Variants in USP35 observed in about 807,000 individuals in gnomAD.
The protein encoded by USP35 is ubiquitin specific peptidase 35.
A neutral mutation model predicts 83.8 loss-of-function variants in USP35; 69 were observed. The observed-to-expected ratio is 0.82, with a 90% CI of 0.68 to 1.01. The LOEUF (loss-of-function observed/expected upper bound fraction) is 1.01. USP35 is among the 50% of genes least tolerant of loss of function. The probability of loss-of-function intolerance (pLI) is 0.00; values close to 1 mark genes in which losing one functional copy is unlikely to be tolerated. For missense variants in USP35, 1,503 were observed against 1,362.5 expected (o/e 1.10, Z -1.62); for synonymous variants, 714 against 589.5 (o/e 1.21, Z -3.06).
Position 78,197,934 on chromosome 11 carries a change from A to G in USP35, c.674-2A>G, listed in dbSNP as rs760902361. On this transcript the variant is annotated splice_acceptor_variant, in intron 2 of 10. Transcript: ENST00000529308. LOFTEE classifies it high-confidence loss of function. ...TAAGCTCAGCCCTGTCCCCTGTTCC[A>G]GAGGAGGAGCCACCATCTAGCGCCC... The G allele has an allele frequency of 1.2e-6, 2 of 1,613,936 alleles. No individual in the cohort carries two copies. The highest frequency in any genetic ancestry group is 1.7e-6 in the Non-Finnish European group (2 of 1,179,902).
chr11:78,232,303 C>A, the USP35 span, among the ~76,000 whole-genome samples: 1 of 152,186 alleles, frequency 6.6e-6, no homozygotes, highest in African/African-American at 2.4e-5. Flanking sequence ...CTCCTAGTAA[C>A]CCTCACCAGA....
intron 6 of USP35, among the ~76,000 whole-genome samples, chr11:78,204,092 G>A (rs926470797): frequency 5.9e-5 from 9 of 151,314 alleles, no homozygotes; most frequent in African/African-American, 2.2e-4. Flanking sequence ...GGGTTTCACC[G>A]TTTTAGCCGG....
At position 78,198,025 on chromosome 11, in the gene USP35, G is replaced by A. The variant is rs935979432; in HGVS notation, c.763G>A (p.Asp255Asn). ...TGGTGTTGTCCGGAACCTCAGCAAT[G>A]ATGACAGTGTGACAGACTCGCAGAT... ...MDGVVRNLSN[D>N]DSVTDSQMLT... Residue 255 changes from aspartate to asparagine, a missense_variant, in exon 3 of 11, where the codon GAT (aspartate) becomes AAT (asparagine). Physicochemically the swap from Asp to Asn is conservative, Grantham distance 23 (BLOSUM62 1). Transcript: ENST00000529308. The A allele has an allele frequency of 5.0e-6, 8 of 1,614,108 alleles. No individual in the cohort carries two copies. Among genetic ancestry groups the A allele is most frequent in the Non-Finnish European group, 6.8e-6 (8 of 1,180,042 alleles).
In USP35 at chr11:78,213,767, A is replaced by G. The variant is rs201438771; in HGVS notation, c.3011A>G (p.Asn1004Ser). 3.6e-5 allele frequency: 56 copies of G among 1,548,868 alleles called. No homozygotes were observed. The highest frequency in any genetic ancestry group is 3.4e-4 in the African/African-American group (24 of 70,256). ...DEDEGSPGGC[N>S]PAGGNGGDFH... ...GATGAAGGCTCTCCAGGGGGCTGCA[A>G]TCCTGCAGGTGGCAATGGTGGTGAC... The change falls in exon 11 of 11, where the codon AAT (asparagine) becomes AGT (serine). Residue 1004 changes from asparagine to serine, a missense_variant. Transcript: ENST00000529308.
chr11:78,210,066 A>G lies in USP35; in HGVS notation c.2211A>G (p.Gly737=). Residue 737 remains glycine (G), a synonymous_variant, in exon 10 of 11, where the codon GGA becomes GGG. Coordinates refer to ENST00000529308, the MANE Select transcript of USP35 (RefSeq NM_020798.4). ...AGGAAAAGGAAGAAGACAGCCTGGG[A>G]GCGGGGACCCACCCGGATGCTGCCA... ...AEQEKEEDSL[G]AGTHPDAAIP... 1.2e-6 allele frequency: 2 copies of G among 1,613,882 alleles called. No homozygotes were observed. Among genetic ancestry groups the G allele is most frequent in the African/African-American group, 2.7e-5 (2 of 75,034 alleles).
intron 5 of USP35, 56 bp from the exon 6 acceptor site, chr11:78,200,594 C>T (rs1355191120): frequency 1.3e-6 from 2 of 1,553,588 alleles, no homozygotes; most frequent in African/African-American, 2.7e-5. Flanking sequence ...GGACCACAGC[C>T]CCGTGTCTCA....
the USP35 span, among the ~76,000 whole-genome samples, chr11:78,223,157 T>G: frequency 6.6e-6 from 1 of 152,194 alleles, no homozygotes; most frequent in Non-Finnish European, 1.5e-5. Flanking sequence ...CTGGTCTACA[T>G]GCAGGGGGCA....
chr11:78,235,079 T>C, the USP35 span, among the ~76,000 whole-genome samples: 1 of 152,172 alleles, frequency 6.6e-6, no homozygotes, highest in South Asian at 2.1e-4. Flanking sequence ...CCCCATGGTC[T>C]TGGAGATTAA....
chr11:78,223,490 G>A, the USP35 span: 1 of 1,609,688 alleles, frequency 6.2e-7, no homozygotes, highest in Non-Finnish European at 8.5e-7. Flanking sequence ...CGGTGCACAG[G>A]AAGGGTTGTT....
the USP35 span, among the ~76,000 whole-genome samples, chr11:78,224,894 T>TCTACCTTAGCACATACATTTCTTCCAGA: frequency 5.3e-5 from 8 of 152,072 alleles, no homozygotes; most frequent in Admixed American, 1.3e-4. Context: ...TGTAATCCAG[T>TCTACCTTAGCACATACATTTCTTCCAGA]CTACCTTAGC....
chr11:78,197,503 C>T (rs1863189838), intron 2 of USP35, among the ~76,000 whole-genome samples: 1 of 152,102 alleles, frequency 6.6e-6, no homozygotes, highest in African/African-American at 2.4e-5. Context: ...ATGAGGCTCT[C>T]CAGGGGAAAG....
intron 10 of USP35, among the ~76,000 whole-genome samples, chr11:78,213,057 C>G (rs745635709): frequency 6.6e-6 from 1 of 152,128 alleles, no homozygotes; most frequent in Non-Finnish European, 1.5e-5. Context: ...GTGTTTTGTG[C>G]GGGGGAATAC....
the USP35 span, chr11:78,223,263 A>G: frequency 8.5e-6 from 5 of 590,280 alleles, no homozygotes; most frequent in East Asian, 1.6e-4. Flanking sequence ...TACCATCTGC[A>G]TTTCACAGAT....
At chr11:78,219,532 G>T, downstream of USP35, 1 of 898,872 alleles carries the variant, frequency 1.1e-6, no homozygotes, top group Non-Finnish European at 1.8e-6. Flanking sequence ...CATGGCCTCT[G>T]CCTGCCACTG....
intron 6 of USP35, among the ~76,000 whole-genome samples, chr11:78,201,519 G>A (rs1326749540): frequency 6.6e-6 from 1 of 152,184 alleles, no homozygotes; most frequent in Non-Finnish European, 1.5e-5. Context: ...TGAGAGCAGT[G>A]AGAAACCAGA....
intron 1 of USP35, among the ~76,000 whole-genome samples, chr11:78,195,228 G>T (rs549279726): frequency 1.2e-4 from 18 of 152,340 alleles, no homozygotes; most frequent in African/African-American, 4.1e-4. Flanking sequence ...AGGAATTAAG[G>T]GTGGGGGATG....
chr11:78,224,196 C>T, the USP35 span, among the ~76,000 whole-genome samples: 1 of 152,222 alleles, frequency 6.6e-6, no homozygotes, highest in Non-Finnish European at 1.5e-5. Flanking sequence ...TTTGATAAAT[C>T]TAGAGTATAA....
downstream of USP35, chr11:78,217,992 C>G (rs1266759362): frequency 1.3e-5 from 2 of 153,232 alleles, no homozygotes; most frequent in African/African-American, 4.8e-5. Flanking sequence ...CACCACCATG[C>G]ACACCACTCT....
chr11:78,200,155 C>A lies in USP35; in HGVS notation c.959C>A (p.Pro320His). 6.2e-7 allele frequency: 1 copy of A among 1,614,194 alleles called. No individual in the cohort carries two copies. Among genetic ancestry groups the A allele is most frequent in the South Asian group, 1.1e-5 (1 of 91,082 alleles). The change falls in exon 5 of 11, where the codon CCC becomes CAC. Residue 320 changes from proline (P) to histidine (H), a missense_variant. Coordinates refer to ENST00000529308, the MANE Select transcript of USP35 (RefSeq NM_020798.4). ...TAGGTTTTCTCTAAGCTGCTGTACC[C>A]CATCGTCCGGGGAGCTGCCTTGTCT... ...IEKVFSKLLY[P>H]IVRGAALSVL...
Sources: allele counts gnomAD v4.1 joint callset (sites outside exome capture counted in the v4.1 genomes callset), GRCh38; gene constraint gnomAD v4.1.1; transcripts MANE v1.5; gene names NCBI Gene and HGNC (gene_info 2026-07-23, HGNC 2026-07-21).